Variants in BACH2 observed in about 807,000 individuals in gnomAD.
The protein encoded by BACH2 is BACH transcriptional regulator 2.
Under a neutral mutation model 61.8 loss-of-function variants are expected in BACH2, and 5 were observed. The observed-to-expected ratio is 0.08, with a 90% CI of 0.04 to 0.17. BACH2 has a LOEUF of 0.17. Ranked by LOEUF, BACH2 falls within the 10% of genes least tolerant of loss-of-function variation. The pLI, the probability that BACH2 is intolerant of heterozygous loss-of-function variation, is 1.00. For synonymous variants in BACH2, 446 were observed against 440.1 expected (o/e 1.01, Z -0.17); for missense variants, 824 against 1,091.1 (o/e 0.76, Z 3.45).
At chr6:90,073,165 G>A (rs755600962) in intron 5 of BACH2, among the ~76,000 whole-genome samples, 11 of 152,206 alleles carry the variant, frequency 7.2e-5, no homozygotes, top group Admixed American at 5.2e-4. Context: ...ATTCTTGCTC[G>A]AGAACAATGA....
At chr6:90,247,402 T>C (rs1208487029) in intron 3 of BACH2, among the ~76,000 whole-genome samples, 1 of 125,838 alleles carries the variant, frequency 7.9e-6, no homozygotes, top group Non-Finnish European at 1.5e-5. Flanking sequence ...TGTACAGTTA[T>C]TTTTTTTTTT....
chr6:90,230,088 G>A (rs991931842), intron 3 of BACH2, among the ~76,000 whole-genome samples: 1 of 152,198 alleles, frequency 6.6e-6, no homozygotes, highest in Non-Finnish European at 1.5e-5. Context: ...AGTTCCCCAG[G>A]TGTGGTTATG....
intron 4 of BACH2, among the ~76,000 whole-genome samples, chr6:90,110,327 AC>A (rs1462542216): frequency 6.6e-6 from 1 of 152,176 alleles, no homozygotes; most frequent in Non-Finnish European, 1.5e-5. Flanking sequence ...AACTTTTTTT[AC>A]TTTGTTAATA....
chr6:90,100,030 A>G (rs750336858), intron 4 of BACH2, among the ~76,000 whole-genome samples: 1 of 152,142 alleles, frequency 6.6e-6, no homozygotes, highest in Non-Finnish European at 1.5e-5. Context: ...ATCATCTATT[A>G]TGAGGCCTTT....
intron 3 of BACH2, among the ~76,000 whole-genome samples, chr6:90,236,285 G>A (rs1469548400): frequency 6.6e-6 from 1 of 152,238 alleles, no homozygotes; most frequent in Non-Finnish European, 1.5e-5. Context: ...AGAGTTTAGT[G>A]AGGAAGGCAC....
rs529588556 is a variant in BACH2, at chr6:90,076,776, A to C, written c.-13+12185T>G. Among the ~76,000 whole-genome samples the C allele has an allele frequency of 3.9e-5, 6 of 152,206 alleles. No individual in the cohort carries two copies. In the East Asian group the frequency reaches 1.2e-3, roughly 29 times the overall value. On this transcript the variant is annotated intron_variant, in intron 5 of 8. Coordinates refer to ENST00000257749, the MANE Select transcript of BACH2 (RefSeq NM_021813.4). ...ATCCCTCATTCAGAGGAGAGCATGC[A>C]ATTTCACCTTCCTCCGTGCCCTTCT... is the stretch of plus-strand genomic sequence containing the variant.
intron 6 of BACH2, among the ~76,000 whole-genome samples, chr6:89,993,699 G>T (rs993582720): frequency 3.3e-5 from 5 of 152,052 alleles, no homozygotes; most frequent in African/African-American, 1.2e-4. Flanking sequence ...CACAGTAAAT[G>T]GTTCCCAGAC....
chr6:90,134,996 A>C (rs982448369), intron 4 of BACH2, among the ~76,000 whole-genome samples: 5 of 152,068 alleles, frequency 3.3e-5, no homozygotes, highest in African/African-American at 1.2e-4. Flanking sequence ...AGTGGCCCTG[A>C]GATTTATACT....
In BACH2 at chr6:89,950,618, G is replaced by C. The variant is rs1248598668; in HGVS notation, c.1488C>G (p.Pro496=). 3.1e-6 allele frequency: 5 copies of C among 1,613,910 alleles called. No individual in the cohort carries two copies. In the South Asian group the frequency reaches 5.5e-5, roughly 18 times the overall value. ...TGATTGGTACCGGGCAGCTGGTGTT[G>C]GGCCGCATCCTTCCTGGCAAGTGGT... ...MADHLPGRMR[P]NTSCPVPIKV... is the part of the protein sequence containing the mutation. Residue 496 remains proline, a synonymous_variant, in exon 7 of 9, where the codon CCC becomes CCG. Coordinates refer to ENST00000257749, the MANE Select transcript of BACH2 (RefSeq NM_021813.4). This position sits in a 1 kb window ranked among gnomAD's most constrained non-coding sequence, Gnocchi z 5.3.
chr6:90,075,557 A>G (rs1781437891), intron 5 of BACH2, among the ~76,000 whole-genome samples: 1 of 152,178 alleles, frequency 6.6e-6, no homozygotes, highest in African/African-American at 2.4e-5. Context: ...TGGCTACAAA[A>G]TAAATTACGA....
At chr6:90,287,406 G>T (rs1207661763) in intron 1 of BACH2, among the ~76,000 whole-genome samples, 1 of 151,984 alleles carries the variant, frequency 6.6e-6, no homozygotes, top group Non-Finnish European at 1.5e-5. Context: ...AATTCAACAT[G>T]CAAAGATAAT....
chr6:90,123,677 G>A (rs1477773772), intron 4 of BACH2, among the ~76,000 whole-genome samples: 1 of 149,064 alleles, frequency 6.7e-6, no homozygotes, highest in Non-Finnish European at 1.5e-5. Context: ...GGCTGAGGCA[G>A]GAGAATGGCG....
chr6:89,968,734 G>C (rs1039920468), intron 6 of BACH2, among the ~76,000 whole-genome samples: 2 of 152,218 alleles, frequency 1.3e-5, no homozygotes. Context: ...TCTTGGGCTG[G>C]GCACAGTGGT....
At chr6:90,163,384 T>C (rs893767843) in intron 4 of BACH2, among the ~76,000 whole-genome samples, 2 of 152,156 alleles carry the variant, frequency 1.3e-5, no homozygotes, top group African/African-American at 4.8e-5. Flanking sequence ...ATTTAATTTA[T>C]CTACACCAAA....
At chr6:89,937,775 C>A (rs1001320685) in intron 8 of BACH2, among the ~76,000 whole-genome samples, 1 of 152,212 alleles carries the variant, frequency 6.6e-6, no homozygotes, top group Non-Finnish European at 1.5e-5. Flanking sequence ...AAGTGATCCA[C>A]CCGCCTTGGC....
chr6:90,218,254 G>C (rs1335243284), intron 3 of BACH2: 1 of 152,136 alleles, frequency 6.6e-6, no homozygotes, highest in Non-Finnish European at 1.5e-5. Context: ...GGTGGGTGTT[G>C]CTCTAAAAAT....
chr6:89,983,735 T>C (rs986028788), intron 6 of BACH2, among the ~76,000 whole-genome samples: 3 of 152,132 alleles, frequency 2.0e-5, no homozygotes, highest in East Asian at 1.9e-4. Flanking sequence ...GGCTACCATA[T>C]TGGCCAGTGC....
At position 89,926,638 on chromosome 6, in the gene BACH2, T is replaced by C. The variant is rs1003664743; in HGVS notation, c.*5770A>G. 5.2e-5 allele frequency: 8 copies of C among 152,768 alleles called. No individual in the cohort carries two copies. Among genetic ancestry groups the C allele is most frequent in the African/African-American group, 1.9e-4 (8 of 41,456 alleles). 9.5% of individuals were successfully genotyped at this position (152,768 alleles called of 1,614,324 possible). On this transcript the variant is annotated 3_prime_UTR_variant, in exon 9 of 9. Coordinates refer to ENST00000257749, the MANE Select transcript of BACH2 (RefSeq NM_021813.4). Reference sequence around the variant, plus strand: ...TTGAGTGAAAACTTTTTTTGCACAATAGTGTATTTACAATGAGTAAATGAA... The same window carrying C: ...TTGAGTGAAAACTTTTTTTGCACAACAGTGTATTTACAATGAGTAAATGAA...
chr6:90,058,396 C>T (rs960880336), intron 5 of BACH2, among the ~76,000 whole-genome samples: 1 of 152,074 alleles, frequency 6.6e-6, no homozygotes, highest in Non-Finnish European at 1.5e-5. Flanking sequence ...GAATAAAATA[C>T]CTGGGAATCC....
Sources: allele counts gnomAD v4.1 joint callset (sites outside exome capture counted in the v4.1 genomes callset), GRCh38; gene constraint gnomAD v4.1.1; non-coding constraint Gnocchi (gnomAD v3.1); transcripts MANE v1.5; gene names NCBI Gene and HGNC (gene_info 2026-07-23, HGNC 2026-07-21).